Variants in SMURF1 observed in about 807,000 individuals in gnomAD.
SMURF1 encodes the protein E3 ubiquitin-protein ligase SMURF1.
Under a neutral mutation model 98.0 loss-of-function variants are expected in SMURF1, and 44 were observed. The observed-to-expected ratio is 0.45, with a 90% CI of 0.35 to 0.58. The LOEUF (loss-of-function observed/expected upper bound fraction) is 0.58. Ranked by LOEUF, SMURF1 falls within the 20% of genes least tolerant of loss-of-function variation. SMURF1 has a pLI of 0.00. For missense variants in SMURF1, 687 were observed against 938.4 expected, an observed-to-expected ratio of 0.73 and a Z score of 3.50; for synonymous variants, 396 against 374.9, an observed-to-expected ratio of 1.06 and a Z score of -0.65.
At chr7:99,117,427 C>A (rs890646708) in intron 1 of SMURF1, among the ~76,000 whole-genome samples, 1 of 152,100 alleles carries the variant, frequency 6.6e-6, no homozygotes, top group African/African-American at 2.4e-5. Context: ...CAGCTCACTG[C>A]AACCTCCGCC....
intron 1 of SMURF1, among the ~76,000 whole-genome samples, chr7:99,096,895 G>T (rs10231389): frequency 0.95 from 144,098 of 152,284 alleles, 68,600 homozygotes; most frequent in East Asian, 1. Flanking sequence ...AATAGAAATC[G>T]TAGCAAACTG....
intron 14 of SMURF1, among the ~76,000 whole-genome samples, 168 bp downstream of exon 14, chr7:99,038,220 G>A (rs971026164): frequency 1.3e-5 from 2 of 152,236 alleles, no homozygotes; most frequent in East Asian, 1.9e-4. Context: ...GATCCCTGAC[G>A]CTGCTGCTGA....
At chr7:99,101,589 G>A (rs571060635) in intron 1 of SMURF1, among the ~76,000 whole-genome samples, 222 of 152,256 alleles carry the variant, frequency 1.5e-3, no homozygotes, top group African/African-American at 5.1e-3. Context: ...CGTAAATGGA[G>A]GTGGGAATTC....
intron 1 of SMURF1, among the ~76,000 whole-genome samples, chr7:99,101,906 C>A (rs1224313862): frequency 6.6e-6 from 1 of 151,424 alleles, no homozygotes; most frequent in African/African-American, 2.4e-5. Context: ...TGCACTCCAG[C>A]CTGGGCGACA....
chr7:99,038,748 G>C (rs1317380056), intron 13 of SMURF1, among the ~76,000 whole-genome samples: 1 of 152,174 alleles, frequency 6.6e-6, no homozygotes, highest in Non-Finnish European at 1.5e-5. Context: ...CACAGTCATA[G>C]AAGGCGGGCA....
chr7:99,076,392 G>A (rs879264800), intron 1 of SMURF1, among the ~76,000 whole-genome samples: 3 of 152,222 alleles, frequency 2.0e-5, no homozygotes, highest in African/African-American at 4.8e-5. Flanking sequence ...GACAGGACCC[G>A]ATGAGAATGG....
intron 1 of SMURF1, chr7:99,081,470 T>G (rs1357418827): frequency 6.6e-6 from 1 of 152,214 alleles, no homozygotes; most frequent in African/African-American, 2.4e-5. Flanking sequence ...AGACATATAC[T>G]TAATTCTCTT....
At position 99,140,648 on chromosome 7, in the gene SMURF1, C is replaced by A. The variant is rs1420360565; in HGVS notation, c.55+3078G>T. On this transcript the variant is annotated intron_variant, in intron 1 of 17. Coordinates refer to ENST00000361368, the MANE Select transcript of SMURF1 (RefSeq NM_181349.3). ...GTGTTAGCCAGGATGGTCTCAACCT[C>A]CTGACCTCGTGATCTGCCTCAGCCT... Among the ~76,000 whole-genome samples the A allele has an allele frequency of 6.6e-5, 10 of 152,264 alleles. No individual in the cohort carries two copies. In the East Asian group the frequency reaches 1.9e-3, roughly 29 times the overall value.
chr7:99,107,498 G>C (rs1253119945), intron 1 of SMURF1, among the ~76,000 whole-genome samples: 2 of 152,150 alleles, frequency 1.3e-5, no homozygotes, highest in Non-Finnish European at 2.9e-5. Flanking sequence ...AGATATTTCT[G>C]ATTGGGCTTC....
In SMURF1 at chr7:99,045,792, G is replaced by A. The variant is rs1279887456; in HGVS notation, c.1162C>T (p.Arg388Cys). Residue 388 changes from arginine (R) to cysteine (C), a missense_variant, in exon 11 of 18, where the codon CGC becomes TGC. Arg to Cys is a radical substitution (Grantham distance 180, BLOSUM62 -3). This residue lies in a region of SMURF1 where 415 missense variants were observed against 508.4 expected (regional missense o/e 0.82). Transcript: ENST00000361368. Reference protein sequence around the residue: ...SREEIFEESYRQIMKMRPKDL... With the variant: ...SREEIFEESYCQIMKMRPKDL... ...TTCGGTCGCATCTTCATTATCTGGCGGTAAGACTCCTGAAGAGCAACATCA... is the reference window on the plus strand; with the variant it reads ...TTCGGTCGCATCTTCATTATCTGGCAGTAAGACTCCTGAAGAGCAACATCA... 2.5e-6 allele frequency: 4 copies of A among 1,612,860 alleles called. No individual in the cohort carries two copies. Among genetic ancestry groups the A allele is most frequent in the Non-Finnish European group, 3.4e-6 (4 of 1,178,866 alleles).
intron 17 of SMURF1, among the ~76,000 whole-genome samples, chr7:99,032,276 G>A (rs144032924): frequency 3.3e-5 from 5 of 152,312 alleles, no homozygotes; most frequent in African/African-American, 9.6e-5. Flanking sequence ...TGTGTGGGAC[G>A]CTGCAAAGTA....
intron 1 of SMURF1, among the ~76,000 whole-genome samples, chr7:99,067,808 G>A (rs1796231130): frequency 6.6e-6 from 1 of 152,066 alleles, no homozygotes; most frequent in African/African-American, 2.4e-5. Context: ...AAAAAATTTA[G>A]CCAGGCGTGG....
chr7:99,032,275 C>T (rs905423062), intron 17 of SMURF1, among the ~76,000 whole-genome samples: 6 of 152,216 alleles, frequency 3.9e-5, no homozygotes, highest in Non-Finnish European at 5.9e-5. Flanking sequence ...TTGTGTGGGA[C>T]GCTGCAAAGT....
chr7:99,038,363 G>C (rs1234976420), intron 14 of SMURF1, 25 bp downstream of exon 14: 2 of 1,611,550 alleles, frequency 1.2e-6, no homozygotes, highest in African/African-American at 1.3e-5. Flanking sequence ...CCAGGCACCT[G>C]GCCGTCCCCG....
intron 10 of SMURF1, 91 bp from the exon 11 acceptor site, chr7:99,045,892 C>T (rs1795557044): frequency 2.2e-6 from 2 of 921,250 alleles, no homozygotes; most frequent in Admixed American, 2.0e-5. Context: ...GTTAAGAACA[C>T]GCATCCATTC....
intron 15 of SMURF1, 126 bp from the exon 16 acceptor site, chr7:99,035,842 G>A (rs1795114838): frequency 1.2e-6 from 1 of 867,438 alleles, no homozygotes; most frequent in African/African-American, 1.7e-5. Context: ...CTGTGTACTA[G>A]GCAGATGTTG....
chr7:99,057,601 T>TTTTTTG, intron 3 of SMURF1, 50 bp from the exon 4 acceptor site: 1 of 1,445,008 alleles, frequency 6.9e-7, no homozygotes, highest in Non-Finnish European at 9.1e-7. Context: ...GTTTTTTTTG[T>TTTTTTG]TTTGTTTTTT....
intron 1 of SMURF1, among the ~76,000 whole-genome samples, chr7:99,140,019 C>T (rs566172776): frequency 1.3e-5 from 2 of 152,228 alleles, no homozygotes; most frequent in South Asian, 4.1e-4. Flanking sequence ...GCCCAAGTGC[C>T]CAACAGTAAT....
At chr7:99,126,552 G>A (rs1797750407) in intron 1 of SMURF1, among the ~76,000 whole-genome samples, 1 of 152,102 alleles carries the variant, frequency 6.6e-6, no homozygotes, top group Admixed American at 6.5e-5. Flanking sequence ...GCTACTCGGA[G>A]GTTGAGGCAG....
Sources: gnomAD v4.1 joint callset for allele counts (sites outside exome capture counted in the v4.1 genomes callset) on GRCh38, gnomAD v4.1.1 for gene constraint, gnomAD v4.1.1 regional missense constraint, MANE v1.5 for transcripts, NCBI Gene and HGNC (gene_info 2026-07-23, HGNC 2026-07-21) for gene names.